Variants in PRKCH observed in about 807,000 individuals in gnomAD.
The protein encoded by PRKCH is protein kinase C eta.
In PRKCH, 28 loss-of-function variants were observed where a neutral mutation model predicts 82.5. That is an observed-to-expected ratio of 0.34 (90% CI 0.25 to 0.47). The LOEUF (loss-of-function observed/expected upper bound fraction) is 0.47. PRKCH is among the 20% of genes least tolerant of loss of function. PRKCH has a pLI of 1.00. For synonymous variants in PRKCH, 322 were observed against 327.4 expected (o/e 0.98, Z 0.18); for missense variants, 705 against 881.8 (o/e 0.80, Z 2.54).
intron 1 of PRKCH, among the ~76,000 whole-genome samples, chr14:61,245,692 G>A (rs539244913): frequency 5.5e-4 from 84 of 152,300 alleles, no homozygotes; most frequent in African/African-American, 1.5e-3. Flanking sequence ...AGAGTAGGCC[G>A]CAGAAGGACA....
At chr14:61,223,899 A>ATGT (rs1315844728) in intron 1 of PRKCH, among the ~76,000 whole-genome samples, 1 of 152,186 alleles carries the variant, frequency 6.6e-6, no homozygotes, top group Non-Finnish European at 1.5e-5. Context: ...TCTGGCCCTC[A>ATGT]TTTAGTATGC....
intron 1 of PRKCH, among the ~76,000 whole-genome samples, chr14:61,352,626 C>T (rs1205617836): frequency 7.4e-6 from 1 of 134,758 alleles, no homozygotes; most frequent in African/African-American, 2.8e-5. Flanking sequence ...ATTGACAGAG[C>T]GAGACTCCAT....
intron 12 of PRKCH, among the ~76,000 whole-genome samples, chr14:61,533,033 AG>A (rs2043060328): frequency 6.6e-6 from 1 of 152,202 alleles, no homozygotes; most frequent in African/African-American, 2.4e-5. Context: ...CTGGGCTCAC[AG>A]TGCCGGGCCT....
intron 1 of PRKCH, among the ~76,000 whole-genome samples, chr14:61,254,796 G>A (rs1042190273): frequency 6.6e-6 from 1 of 152,168 alleles, no homozygotes; most frequent in Non-Finnish European, 1.5e-5. Context: ...AAAGGACATG[G>A]TCAGAAATCT....
chr14:61,388,007 G>A (rs2046614213), intron 1 of PRKCH, among the ~76,000 whole-genome samples: 1 of 152,126 alleles, frequency 6.6e-6, no homozygotes, highest in Non-Finnish European at 1.5e-5. Flanking sequence ...AATCAGCCAG[G>A]TGTGGTGACA....
intron 2 of PRKCH, among the ~76,000 whole-genome samples, chr14:61,392,555 G>C (rs2046700277): frequency 6.6e-6 from 1 of 152,044 alleles, no homozygotes; most frequent in Non-Finnish European, 1.5e-5. Context: ...ATAATTTCCA[G>C]TTCCAGTCTT....
intron 12 of PRKCH, among the ~76,000 whole-genome samples, chr14:61,547,074 G>A (rs568346396): frequency 3.3e-5 from 5 of 152,332 alleles, no homozygotes; most frequent in South Asian, 4.1e-4. Context: ...GGTCTATGGA[G>A]CAATGGAATC....
At chr14:61,372,320 C>T (rs922870202) in intron 1 of PRKCH, among the ~76,000 whole-genome samples, 9 of 152,058 alleles carry the variant, frequency 5.9e-5, no homozygotes, top group Non-Finnish European at 1.3e-4. Context: ...TAGGTGTATA[C>T]TCACCCTTGT....
chr14:61,502,598 G>T (rs114061203), intron 10 of PRKCH, among the ~76,000 whole-genome samples: 1 of 152,050 alleles, frequency 6.6e-6, no homozygotes, highest in Admixed American at 6.5e-5. Context: ...TACTTCTACC[G>T]TGGTTATAGA....
intron 1 of PRKCH, chr14:61,281,870 C>CGTT (rs2045271859): frequency 1.1e-5 from 1 of 94,866 alleles, no homozygotes; most frequent in Non-Finnish European, 1.9e-5. Flanking sequence ...CAAATTTTAG[C>CGTT]TTTTTTTTTT....
chr14:61,529,297 C>G lies in PRKCH; in HGVS notation c.1572+84C>G, dbSNP rs557328030. The G allele has an allele frequency of 4.0e-6, 6 of 1,488,064 alleles. No individual in the cohort carries two copies. In the African/African-American group the frequency reaches 7.0e-5, roughly 17 times the overall value. 92.2% of individuals were successfully genotyped at this position (1,488,064 alleles called of 1,614,324 possible). A position where few individuals can be genotyped will look rare whatever the true frequency, so the allele number is the denominator to read the frequency against. On this transcript the variant is annotated intron_variant, in intron 11 of 13. Transcript: ENST00000332981. ...AAATGCCACTGGCTGCTTTTATGCA[C>G]TGCAGCTTTGGAGGCAGCATTGAAA...
chr14:61,327,658 G>A (rs2045715988), intron 1 of PRKCH, among the ~76,000 whole-genome samples: 1 of 152,094 alleles, frequency 6.6e-6, no homozygotes, highest in Non-Finnish European at 1.5e-5. Flanking sequence ...TGCTCTCTGA[G>A]ATCATTTTGT....
chr14:61,263,908 C>T (rs886325004), intron 1 of PRKCH, among the ~76,000 whole-genome samples: 11 of 140,006 alleles, frequency 7.9e-5, no homozygotes, highest in African/African-American at 1.8e-4. Context: ...TGTGTGTGTA[C>T]GCACGTGCAT....
chr14:61,409,617 C>A (rs1882156745), intron 2 of PRKCH, among the ~76,000 whole-genome samples: 2 of 145,900 alleles, frequency 1.4e-5, no homozygotes. Flanking sequence ...ATTGCCTGAA[C>A]CCAGAGGTTT....
chr14:61,533,339 T>C (rs533191202), intron 12 of PRKCH, among the ~76,000 whole-genome samples: 1 of 151,544 alleles, frequency 6.6e-6, no homozygotes, highest in African/African-American at 2.4e-5. Flanking sequence ...TTTTTTTTTT[T>C]TTTTTGTGCA....
chr14:61,484,934 G>C (rs1470271431), intron 9 of PRKCH, among the ~76,000 whole-genome samples: 1 of 151,564 alleles, frequency 6.6e-6, no homozygotes, highest in Non-Finnish European at 1.5e-5. Context: ...ATATTGCCCA[G>C]GCTGGTCTTG....
chr14:61,231,351 A>G (rs1321105131), intron 1 of PRKCH, among the ~76,000 whole-genome samples: 1 of 146,456 alleles, frequency 6.8e-6, no homozygotes, highest in Admixed American at 7.3e-5. Context: ...AAGAATTGCT[A>G]ATCCAGATGA....
chr14:61,281,622 A>C, intron 1 of PRKCH: 1 of 167,444 alleles, frequency 6.0e-6, no homozygotes, highest in East Asian at 1.9e-4. Context: ...GTCTCCCGAA[A>C]TCAAAAGGCG....
chr14:61,409,466 G>A (rs1882144715), intron 2 of PRKCH, among the ~76,000 whole-genome samples: 1 of 152,018 alleles, frequency 6.6e-6, no homozygotes, highest in Non-Finnish European at 1.5e-5. Flanking sequence ...GGAGGCTGAA[G>A]CAGGAGGATT....
Sources: gnomAD v4.1 joint callset for allele counts (sites outside exome capture counted in the v4.1 genomes callset) on GRCh38, gnomAD v4.1.1 for gene constraint, MANE v1.5 for transcripts, NCBI Gene and HGNC (gene_info 2026-07-23, HGNC 2026-07-21) for gene names.